Variants in OPRM1 observed in about 807,000 individuals in gnomAD.
OPRM1 encodes mu-type opioid receptor.
A neutral mutation model predicts 31.8 loss-of-function variants in OPRM1; 27 were observed. The ratio of observed to expected loss-of-function variants is 0.85; its 90% CI spans 0.63 to 1.17. The LOEUF (loss-of-function observed/expected upper bound fraction) is 1.17, where lower values mean the gene tolerates loss of function less well. Ranked by LOEUF, OPRM1 falls within the 50% of genes most tolerant of loss-of-function variation. The pLI is 0.00. For synonymous variants in OPRM1, 196 were observed against 189.9 expected (o/e 1.03, Z -0.26); for missense variants, 536 against 511.1 (o/e 1.05, Z -0.47).
At chr6:154,012,760 A>C (rs1442329264) in intron 1 of OPRM1, among the ~76,000 whole-genome samples, 1 of 152,136 alleles carries the variant, frequency 6.6e-6, no homozygotes, top group African/African-American at 2.4e-5. Flanking sequence ...AACAACAGAA[A>C]TTTATTTCTC....
Position 154,236,381 on chromosome 6 carries a change from A to G in OPRM1, c.1165-10312A>G, listed in dbSNP as rs1190657991. ...GACAGAGAGGAGAATGGTGGTTGCC[A>G]GGGACTGGGAGGAGAAGGAATGGAG... On this transcript the variant is annotated intron_variant, in intron 3 of 3. Coordinates refer to the OPRM1 transcript ENST00000337049. Among the ~76,000 whole-genome samples, 4 of 152,212 alleles carry G rather than the reference A, an allele frequency of 2.6e-5. No homozygotes were observed. In the East Asian group the frequency reaches 7.7e-4, roughly 29 times the overall value.
At chr6:154,156,679 T>C (rs1033524451) in intron 3 of OPRM1, 3 of 152,224 alleles carry the variant, frequency 2.0e-5, no homozygotes, top group Admixed American at 1.3e-4. Context: ...TCCTATACTT[T>C]AGGAGTCTTT....
intron 3 of OPRM1, among the ~76,000 whole-genome samples, chr6:154,144,598 A>G (rs1294522586): frequency 2.0e-5 from 3 of 152,022 alleles, no homozygotes; most frequent in Non-Finnish European, 2.9e-5. Flanking sequence ...AGTACAAAAA[A>G]TTAGCTGGGT....
intron 3 of OPRM1, among the ~76,000 whole-genome samples, chr6:154,209,914 C>T (rs1777830453): frequency 6.6e-6 from 1 of 152,100 alleles, no homozygotes; most frequent in Non-Finnish European, 1.5e-5. Flanking sequence ...AAAAAATGCT[C>T]AACTTAGAAC....
At chr6:154,136,723 T>C (rs1798070608), downstream of OPRM1, among the ~76,000 whole-genome samples, 1 of 151,790 alleles carries the variant, frequency 6.6e-6, no homozygotes, top group South Asian at 2.1e-4. Context: ...ATGGGGAGAG[T>C]GGTGAAAACT....
At chr6:154,193,754 G>C (rs1289134019) in intron 3 of OPRM1, among the ~76,000 whole-genome samples, 1 of 152,220 alleles carries the variant, frequency 6.6e-6, no homozygotes, top group Non-Finnish European at 1.5e-5. Flanking sequence ...AGACAAGGAG[G>C]AGAGGCCTGT....
intron 3 of OPRM1, among the ~76,000 whole-genome samples, chr6:154,190,495 A>AG (rs1801775586): frequency 1.3e-5 from 2 of 152,300 alleles, no homozygotes; most frequent in South Asian, 4.1e-4. Flanking sequence ...GAAAATCCAA[A>AG]ACACAGAAAA....
chr6:154,067,413 T>C (rs1785673154), intron 1 of OPRM1, among the ~76,000 whole-genome samples: 1 of 151,960 alleles, frequency 6.6e-6, no homozygotes, highest in Non-Finnish European at 1.5e-5. Context: ...AACCATTGTT[T>C]ATTTAAGAGT....
At chr6:154,055,824 T>G (rs887579657) in intron 1 of OPRM1, among the ~76,000 whole-genome samples, 1 of 152,214 alleles carries the variant, frequency 6.6e-6, no homozygotes, top group Non-Finnish European at 1.5e-5. Flanking sequence ...AAACCAGTGA[T>G]GTTCGAACAA....
At chr6:154,011,093 G>T in intron 1 of OPRM1, 1 of 1,222,516 alleles carries the variant, frequency 8.2e-7, no homozygotes. Context: ...AGTAAGGGCT[G>T]CTTGACACTC....
intron 3 of OPRM1, chr6:154,212,757 T>C (rs1260477510): frequency 6.4e-7 from 1 of 1,570,722 alleles, no homozygotes; most frequent in East Asian, 2.2e-5. Context: ...AGACTACTTA[T>C]GTCGGTACAT....
chr6:154,045,906 C>T (rs1273708437), intron 1 of OPRM1, among the ~76,000 whole-genome samples: 1 of 152,192 alleles, frequency 6.6e-6, no homozygotes, highest in East Asian at 1.9e-4. Context: ...AACTACAAGG[C>T]ACATCAGAAG....
rs1583474645 is a variant in OPRM1, at chr6:154,089,732, T to C, written c.291-94T>C. 10 of 840,096 alleles carry C rather than the reference T, an allele frequency of 1.2e-5. No individual in the cohort carries two copies. The African/African-American group carries it at 1.2e-4, about 10-fold the overall frequency. The allele number at this position is 840,096 out of a possible 1,614,324, so 52.0% of individuals were successfully genotyped here. A position where few individuals can be genotyped will look rare whatever the true frequency, so the allele number is the denominator to read the frequency against. On this transcript the variant is annotated intron_variant, in intron 1 of 3. Coordinates refer to ENST00000330432, the MANE Select transcript of OPRM1 (RefSeq NM_000914.5). ...TCTATATCTAATCTCAAAAAAGCTT[T>C]CTACTAATTCATGCAAATTTATTAT...
intron 1 of OPRM1, among the ~76,000 whole-genome samples, chr6:154,043,763 C>T (rs1392588260): frequency 6.6e-6 from 1 of 151,984 alleles, no homozygotes; most frequent in African/African-American, 2.4e-5. Context: ...AATTTAATGG[C>T]TTACATTAAA....
At chr6:154,097,151 T>C (rs1793531243) in intron 3 of OPRM1, among the ~76,000 whole-genome samples, 1 of 152,170 alleles carries the variant, frequency 6.6e-6, no homozygotes, top group Non-Finnish European at 1.5e-5. Context: ...GAAAAAGCAA[T>C]ATAATAGTGA....
chr6:154,035,736 G>A (rs1779264750), upstream of OPRM1, among the ~76,000 whole-genome samples: 1 of 151,968 alleles, frequency 6.6e-6, no homozygotes, highest in South Asian at 2.1e-4. Context: ...CACTTTCCTG[G>A]GATTCATCCG....
intron 1 of OPRM1, among the ~76,000 whole-genome samples, chr6:154,066,314 G>C (rs1785390745): frequency 6.6e-6 from 1 of 151,886 alleles, no homozygotes; most frequent in African/African-American, 2.4e-5. Context: ...TCTCCTCTTC[G>C]TTATATTGAA....
At chr6:154,046,411 C>T (rs1781122496) in intron 1 of OPRM1, among the ~76,000 whole-genome samples, 1 of 152,166 alleles carries the variant, frequency 6.6e-6, no homozygotes, top group Non-Finnish European at 1.5e-5. Context: ...AATAAAGCCT[C>T]CTGTGCCTTC....
At chr6:154,019,999 G>A (rs1335234875) in intron 1 of OPRM1, among the ~76,000 whole-genome samples, 1 of 152,078 alleles carries the variant, frequency 6.6e-6, no homozygotes, top group African/African-American at 2.4e-5. Context: ...CTCCCAAACT[G>A]CTGGGATTAT....
Sources: gnomAD v4.1 joint callset for allele counts (sites outside exome capture counted in the v4.1 genomes callset) on GRCh38, gnomAD v4.1.1 for gene constraint, MANE v1.5 for transcripts, NCBI Gene and HGNC (gene_info 2026-07-23, HGNC 2026-07-21) for gene names.